Variants in HNRNPC observed in about 807,000 individuals in gnomAD.
HNRNPC encodes heterogeneous nuclear ribonucleoprotein C.
A neutral mutation model predicts 33.2 loss-of-function variants in HNRNPC; 3 were observed. That is an observed-to-expected ratio of 0.09 (90% confidence interval 0.04 to 0.23). The LOEUF (loss-of-function observed/expected upper bound fraction) is 0.23. Ranked by LOEUF, HNRNPC falls within the 10% of genes least tolerant of loss-of-function variation. HNRNPC has a pLI of 1.00. For missense variants in HNRNPC, 143 were observed against 366.7 expected, an observed-to-expected ratio of 0.39 and a Z score of 4.98; for synonymous variants, 121 against 126.7, an observed-to-expected ratio of 0.96 and a Z score of 0.30.
chr14:21,256,558 T>TATA (rs1398308178), intron 2 of HNRNPC, among the ~76,000 whole-genome samples: 1 of 152,088 alleles, frequency 6.6e-6, no homozygotes, highest in Non-Finnish European at 1.5e-5. Context: ...ACCTATTATA[T>TATA]ATAATAATGC....
chr14:21,219,108 C>CA (rs555837563), intron 5 of HNRNPC, among the ~76,000 whole-genome samples: 25,626 of 95,958 alleles, frequency 0.27, 2,699 homozygotes, highest in East Asian at 0.34. Context: ...GACTCTTTCT[C>CA]AAAAAAAAAA....
chr14:21,240,535 A>G (rs753915400), intron 2 of HNRNPC, among the ~76,000 whole-genome samples: 4 of 152,224 alleles, frequency 2.6e-5, no homozygotes, highest in Non-Finnish European at 5.9e-5. Context: ...AGTGGTCCAC[A>G]AACAGGTTGT....
intron 1 of HNRNPC, among the ~76,000 whole-genome samples, chr14:21,267,581 C>A (rs1020616511): frequency 1.3e-5 from 2 of 152,244 alleles, no homozygotes. Context: ...GCAACCTGGC[C>A]ATCCTTCTTC....
chr14:21,235,870 G>A (rs372866268), intron 2 of HNRNPC, among the ~76,000 whole-genome samples: 1 of 152,058 alleles, frequency 6.6e-6, no homozygotes, highest in African/African-American at 2.4e-5. Flanking sequence ...AATTACCAGG[G>A]GTGAGGGGCT....
At chr14:21,233,826 T>C in intron 3 of HNRNPC, 127 bp downstream of exon 3, 1 of 1,168,728 alleles carries the variant, frequency 8.6e-7, no homozygotes. Context: ...TGTATTTTTA[T>C]TAGGCTAAAC....
intron 1 of HNRNPC, among the ~76,000 whole-genome samples, chr14:21,265,852 C>G (rs568459241): frequency 4.4e-4 from 67 of 152,244 alleles, no homozygotes; most frequent in Non-Finnish European, 7.8e-4. Context: ...TTTGTCAAAA[C>G]CTGCCTGAGG....
At chr14:21,222,811 G>A (rs773222393) in intron 5 of HNRNPC, among the ~76,000 whole-genome samples, 8 of 151,974 alleles carry the variant, frequency 5.3e-5, no homozygotes, top group Non-Finnish European at 8.8e-5. Context: ...GGAGAATGGC[G>A]TGAACCAGGG....
intron 3 of HNRNPC, among the ~76,000 whole-genome samples, chr14:21,233,354 T>C: frequency 6.6e-6 from 1 of 152,188 alleles, no homozygotes; most frequent in East Asian, 1.9e-4. Flanking sequence ...CAAATATAAA[T>C]TTAAAAATAA....
chr14:21,267,095 C>CAAAAAAAAAA (rs56203257), intron 1 of HNRNPC, among the ~76,000 whole-genome samples: 10 of 104,114 alleles, frequency 9.6e-5, no homozygotes, highest in Admixed American at 3.0e-4. Flanking sequence ...GACTCCGTCT[C>CAAAAAAAAAA]AAAAAAAAAA....
chr14:21,229,364 G>C (rs867414648), intron 5 of HNRNPC, among the ~76,000 whole-genome samples: 2 of 80,516 alleles, frequency 2.5e-5, no homozygotes, highest in Non-Finnish European at 2.2e-5. Context: ...GAGCGAGACT[G>C]TCTCAAAAAA....
At chr14:21,233,644 C>G (rs1229912731) in intron 3 of HNRNPC, among the ~76,000 whole-genome samples, 5 of 152,098 alleles carry the variant, frequency 3.3e-5, no homozygotes, top group Non-Finnish European at 7.4e-5. Flanking sequence ...CTAGAGGGCT[C>G]CTCCAGTCTG....
chr14:21,228,699 ATT>A (rs1008202718), intron 5 of HNRNPC, among the ~76,000 whole-genome samples: 2 of 151,864 alleles, frequency 1.3e-5, no homozygotes, highest in Non-Finnish European at 2.9e-5. Context: ...GCTGATTTTT[ATT>A]TTTTAAGAAT....
intron 2 of HNRNPC, among the ~76,000 whole-genome samples, chr14:21,253,667 A>G (rs983613306): frequency 3.9e-5 from 6 of 152,134 alleles, no homozygotes; most frequent in African/African-American, 1.4e-4. Flanking sequence ...TTAAAGCAAA[A>G]GATCCAAAGT....
chr14:21,259,981 C>T (rs1321749405), intron 2 of HNRNPC, among the ~76,000 whole-genome samples: 1 of 149,964 alleles, frequency 6.7e-6, no homozygotes, highest in African/African-American at 2.5e-5. Context: ...GGGCGGATCA[C>T]GAGGTCAGGA....
chr14:21,267,912 AGTTTT>A (rs1185698250), intron 1 of HNRNPC, among the ~76,000 whole-genome samples: 5 of 152,216 alleles, frequency 3.3e-5, no homozygotes, highest in African/African-American at 9.6e-5. Flanking sequence ...GATAAACTTT[AGTTTT>A]AAGTTCCTGT....
At position 21,209,987 on chromosome 14, in the gene HNRNPC, T is replaced by G. The variant is rs938641013; in HGVS notation, c.*1236A>C. The G allele has an allele frequency of 4.6e-5, 7 of 152,224 alleles. No homozygotes were observed. Among genetic ancestry groups the G allele is most frequent in the Non-Finnish European group, 8.8e-5 (6 of 68,034 alleles). The allele number at this position is 152,224 out of a possible 1,614,324, so 9.4% of individuals were successfully genotyped here. ...AAAAGATCATTTAGAGTAAAATAAA[T>G]GTGTAACATTCTCTATGTTCTCAAT... is the stretch of plus-strand genomic sequence containing the variant. On this transcript the variant is annotated 3_prime_UTR_variant, in exon 9 of 9. Coordinates refer to ENST00000553300, the MANE Select transcript of HNRNPC (RefSeq NM_004500.4).
At chr14:21,266,195 C>A (rs1313852845) in intron 1 of HNRNPC, among the ~76,000 whole-genome samples, 1 of 152,158 alleles carries the variant, frequency 6.6e-6, no homozygotes, top group Admixed American at 6.5e-5. Context: ...CTCCACCTCC[C>A]AGGTTCAAGC....
chr14:21,242,261 G>T (rs1002783731), intron 2 of HNRNPC, among the ~76,000 whole-genome samples: 5 of 152,196 alleles, frequency 3.3e-5, no homozygotes, highest in African/African-American at 4.8e-5. Context: ...AAGGCAGGAA[G>T]ATCACGAGGT....
chr14:21,260,061 G>A (rs1355124001), intron 2 of HNRNPC, among the ~76,000 whole-genome samples: 4 of 146,250 alleles, frequency 2.7e-5, no homozygotes, highest in Middle Eastern at 3.2e-3. Flanking sequence ...TTAGCCGGGC[G>A]TAGTGGCGGG....
Sources: gnomAD v4.1 joint callset for allele counts (sites outside exome capture counted in the v4.1 genomes callset) on GRCh38, gnomAD v4.1.1 for gene constraint, MANE v1.5 for transcripts, NCBI Gene and HGNC (gene_info 2026-07-23, HGNC 2026-07-21) for gene names.